The following RIMS2 variants were observed in gnomAD, a reference collection of about 807,000 sequenced individuals.
RIMS2 encodes regulating synaptic membrane exocytosis 2, also known as regulating synaptic membrane exocytosis protein 2.
In RIMS2, 59 loss-of-function variants were observed where a neutral mutation model predicts 174.4. The observed-to-expected ratio is 0.34, with a 90% CI of 0.27 to 0.42. The LOEUF is 0.42. Ranked by LOEUF, RIMS2 falls within the 10% of genes least tolerant of loss-of-function variation. The probability of loss-of-function intolerance (pLI) is 1.00; values close to 1 mark genes in which losing one functional copy is unlikely to be tolerated. For missense variants in RIMS2, 1,620 were observed against 1,666.3 expected (o/e 0.97, Z 0.48); for synonymous variants, 606 against 572.5 (o/e 1.06, Z -0.84).
chr8:104,173,920 G>GATTTACTTATTT (rs1554577001), intron 19 of RIMS2, among the ~76,000 whole-genome samples: 1 of 138,966 alleles, frequency 7.2e-6, no homozygotes, highest in East Asian at 2.1e-4. Context: ...AATGTTAAAG[G>GATTTACTTATTT]ATTTATTTAT....
chr8:104,122,396 C>T (rs1049836849), intron 19 of RIMS2, among the ~76,000 whole-genome samples: 1 of 152,084 alleles, frequency 6.6e-6, no homozygotes, highest in Admixed American at 6.6e-5. Context: ...TTAGTTCCCT[C>T]AAACATATAG....
intron 1 of RIMS2, among the ~76,000 whole-genome samples, chr8:103,651,704 T>C (rs2096455512): frequency 6.6e-6 from 1 of 152,130 alleles, no homozygotes; most frequent in African/African-American, 2.4e-5. Context: ...AGAGTTTGGA[T>C]ACCTGCCCTC....
intron 3 of RIMS2, among the ~76,000 whole-genome samples, chr8:103,874,307 C>T (rs1187990316): frequency 6.6e-6 from 1 of 152,002 alleles, no homozygotes; most frequent in Non-Finnish European, 1.5e-5. Context: ...ATGGTACATT[C>T]TGATTAGCTC....
intron 19 of RIMS2, among the ~76,000 whole-genome samples, chr8:104,133,902 A>C (rs2098495408): frequency 6.6e-6 from 1 of 152,146 alleles, no homozygotes; most frequent in Admixed American, 6.5e-5. Flanking sequence ...GAAAAGATTA[A>C]ATTCAATTTG....
intron 1 of RIMS2, among the ~76,000 whole-genome samples, chr8:103,585,884 T>A: frequency 6.7e-6 from 1 of 149,564 alleles, no homozygotes; most frequent in African/African-American, 2.5e-5. Context: ...ATCCCAGAAC[T>A]TAAAGAAAAA....
chr8:103,574,194 C>T (rs2093041447), intron 1 of RIMS2, among the ~76,000 whole-genome samples: 1 of 152,046 alleles, frequency 6.6e-6, no homozygotes, highest in Non-Finnish European at 1.5e-5. Flanking sequence ...AGAGATATCA[C>T]TTACTGGATG....
intron 2 of RIMS2, among the ~76,000 whole-genome samples, chr8:103,712,291 T>A (rs929777803): frequency 2.0e-5 from 3 of 151,370 alleles, no homozygotes; most frequent in African/African-American, 7.3e-5. Flanking sequence ...GGATTACAGG[T>A]GTGAGCCACC....
At chr8:103,673,479 G>T (rs1160128588) in intron 1 of RIMS2, among the ~76,000 whole-genome samples, 2 of 152,310 alleles carry the variant, frequency 1.3e-5, no homozygotes, top group East Asian at 3.9e-4. Flanking sequence ...ATTGCACTCT[G>T]TGTGCCTGCA....
intron 4 of RIMS2, among the ~76,000 whole-genome samples, chr8:103,890,544 T>G (rs2099237597): frequency 6.6e-6 from 1 of 152,052 alleles, no homozygotes; most frequent in Non-Finnish European, 1.5e-5. Flanking sequence ...TTTACTGATT[T>G]TTGCGCACTC....
chr8:104,234,184 T>C (rs2099246655), intron 19 of RIMS2, among the ~76,000 whole-genome samples: 1 of 152,164 alleles, frequency 6.6e-6, no homozygotes, highest in South Asian at 2.1e-4. Flanking sequence ...ACCAAAGAAC[T>C]CTGACCTACA....
chr8:104,046,148 T>A (rs1231612516), intron 19 of RIMS2, among the ~76,000 whole-genome samples: 1 of 152,034 alleles, frequency 6.6e-6, no homozygotes, highest in Non-Finnish European at 1.5e-5. Context: ...GACTGGAAAG[T>A]CTAAGTAAGA....
chr8:103,943,686 G>A (rs533993718), intron 14 of RIMS2, among the ~76,000 whole-genome samples: 2 of 152,078 alleles, frequency 1.3e-5, no homozygotes, highest in East Asian at 1.9e-4. Flanking sequence ...TAGGCTTTTC[G>A]CCCCTAAAAC....
intron 1 of RIMS2, among the ~76,000 whole-genome samples, chr8:103,651,258 G>C (rs896276130): frequency 6.6e-6 from 1 of 152,172 alleles, no homozygotes; most frequent in Non-Finnish European, 1.5e-5. Flanking sequence ...GCTTCTCTTT[G>C]TTCTCTGAGG....
intron 16 of RIMS2, among the ~76,000 whole-genome samples, chr8:103,980,368 C>G (rs1388071010): frequency 6.6e-6 from 1 of 152,082 alleles, no homozygotes; most frequent in African/African-American, 2.4e-5. Flanking sequence ...AGGACCCAGT[C>G]CTGCAGGATT....
chr8:103,860,788 GTT>G (rs34041732), intron 3 of RIMS2, among the ~76,000 whole-genome samples: 9 of 150,524 alleles, frequency 6.0e-5, no homozygotes, highest in African/African-American at 2.0e-4. Context: ...GTAAAATAAT[GTT>G]TTTTTTTTCC....
intron 19 of RIMS2, among the ~76,000 whole-genome samples, chr8:104,019,852 C>G (rs2096039418): frequency 6.6e-6 from 1 of 152,086 alleles, no homozygotes; most frequent in South Asian, 2.1e-4. Context: ...AACACTGCAG[C>G]CTTTCACACT....
chr8:103,632,851 A>G (rs912990337), intron 1 of RIMS2, among the ~76,000 whole-genome samples: 1 of 139,636 alleles, frequency 7.2e-6, no homozygotes, highest in African/African-American at 2.8e-5. Flanking sequence ...CTCCTGCCTC[A>G]GCCTTCCGAG....
chr8:103,766,268 C>T, exon 3 of RIMS2: 12 of 1,613,284 alleles, frequency 7.4e-6, no homozygotes, highest in Non-Finnish European at 1.0e-5. Context: ...AACAAGAAAT[C>T]CTCACTAAAT....
intron 19 of RIMS2, among the ~76,000 whole-genome samples, chr8:104,203,586 T>A (rs1349806378): frequency 6.8e-6 from 1 of 146,006 alleles, no homozygotes; most frequent in Non-Finnish European, 1.5e-5. Context: ...TCACTGCAAC[T>A]TCCGCCTCTT....
Sources: allele counts gnomAD v4.1 joint callset (sites outside exome capture counted in the v4.1 genomes callset), GRCh38; gene constraint gnomAD v4.1.1; transcripts MANE v1.5; gene names NCBI Gene and HGNC (gene_info 2026-07-23, HGNC 2026-07-21).